The following PPP2R5C variants were observed in gnomAD, a reference collection of about 807,000 sequenced individuals.
The protein encoded by PPP2R5C is protein phosphatase 2 regulatory subunit B'gamma.
Under a neutral mutation model 68.9 loss-of-function variants are expected in PPP2R5C, and 7 were observed. That is an observed-to-expected ratio of 0.10 (90% CI 0.06 to 0.19). PPP2R5C has a LOEUF of 0.19. Among genes scored for constraint, PPP2R5C ranks in the 10% least tolerant of loss-of-function variants. The probability of loss-of-function intolerance (pLI) is 1.00; values close to 1 mark genes in which losing one functional copy is unlikely to be tolerated. For synonymous variants in PPP2R5C, 210 were observed against 222.2 expected, an observed-to-expected ratio of 0.95 and a Z score of 0.49; for missense variants, 348 against 641.3, an observed-to-expected ratio of 0.54 and a Z score of 4.94.
exon 12 of PPP2R5C, chr14:101,912,460 A>G (rs1284681844): frequency 6.2e-7 from 1 of 1,602,090 alleles, no homozygotes; most frequent in African/African-American, 1.3e-5. Flanking sequence ...AATCTAGCCA[A>G]AGCCAATCCC....
At position 101,797,247 on chromosome 14, in the gene PPP2R5C, C is replaced by T. The variant is rs969363180; in HGVS notation, c.259+11064C>T. The T allele has an allele frequency of 1.1e-5, 5 of 455,962 alleles. No homozygotes were observed. Among genetic ancestry groups the T allele is most frequent in the African/African-American group, 8.0e-5 (4 of 50,074 alleles). 28.2% of individuals were successfully genotyped at this position (455,962 alleles called of 1,614,324 possible). ...TTGTAGCACGTGCCAGACCCTCGCT[C>T]CCGTCGAAGGCTGATGCCATCCTTC... On this transcript the variant is annotated intron_variant, in intron 3 of 14. Transcript: ENST00000328724. This position sits in a 1 kb window ranked among gnomAD's most constrained non-coding sequence, Gnocchi z 4.2.
chr14:101,886,433 G>A (rs1320058765), intron 5 of PPP2R5C, among the ~76,000 whole-genome samples: 2 of 151,870 alleles, frequency 1.3e-5, no homozygotes, highest in Non-Finnish European at 1.5e-5. Flanking sequence ...GTGTCTGTGT[G>A]CATGCTTTTG....
intron 2 of PPP2R5C, among the ~76,000 whole-genome samples, chr14:101,774,262 C>G (rs2037304014): frequency 6.6e-6 from 1 of 152,192 alleles, no homozygotes; most frequent in Non-Finnish European, 1.5e-5. Context: ...TGACTTTTGG[C>G]CCCTAGAGAC....
At chr14:101,908,512 T>G (rs557701780) in intron 10 of PPP2R5C, among the ~76,000 whole-genome samples, 1 of 152,244 alleles carries the variant, frequency 6.6e-6, no homozygotes, top group African/African-American at 2.4e-5. Flanking sequence ...TAGCTGGGAC[T>G]ACAGACATGA....
chr14:101,761,408 C>T (rs998974720), upstream of PPP2R5C, among the ~76,000 whole-genome samples: 1 of 151,820 alleles, frequency 6.6e-6, no homozygotes, highest in Non-Finnish European at 1.5e-5. Flanking sequence ...CAGCGGTCAG[C>T]CCCGCGCCAG....
chr14:101,795,919 C>T, intron 3 of PPP2R5C, among the ~76,000 whole-genome samples: 1 of 152,126 alleles, frequency 6.6e-6, no homozygotes, highest in East Asian at 1.9e-4. Context: ...ACCTCCCAGG[C>T]TCAAGCAGTC....
intron 13 of PPP2R5C, among the ~76,000 whole-genome samples, chr14:101,924,445 C>T (rs1344931692): frequency 9.4e-4 from 79 of 84,452 alleles, no homozygotes; most frequent in South Asian, 1.3e-3. Flanking sequence ...ATTTCTACAT[C>T]TTTTTTTTTT....
chr14:101,911,827 T>G (rs2141113390), intron 11 of PPP2R5C, among the ~76,000 whole-genome samples: 1 of 151,032 alleles, frequency 6.6e-6, no homozygotes, highest in East Asian at 2.0e-4. Flanking sequence ...GAGGTTGCAG[T>G]GAGCCAAGAT....
intron 2 of PPP2R5C, chr14:101,765,484 C>T: frequency 1.8e-6 from 1 of 541,316 alleles, no homozygotes; most frequent in South Asian, 2.4e-5. Context: ...TTTTCCCTCT[C>T]CTCTCTCTCA....
At chr14:101,802,681 A>G (rs2038917033) in intron 3 of PPP2R5C, among the ~76,000 whole-genome samples, 2 of 152,182 alleles carry the variant, frequency 1.3e-5, no homozygotes, top group Admixed American at 1.3e-4. Flanking sequence ...TCAACAAGAA[A>G]AGGCAGGCCA....
At chr14:101,819,811 C>G (rs979577122) in intron 1 of PPP2R5C, 1 of 152,476 alleles carries the variant, frequency 6.6e-6, no homozygotes, top group Non-Finnish European at 1.5e-5. Context: ...TTTGGTAGAG[C>G]TGGGGTCTCA....
intron 10 of PPP2R5C, among the ~76,000 whole-genome samples, chr14:101,907,554 T>G (rs1483884468): frequency 6.6e-6 from 1 of 152,156 alleles, no homozygotes; most frequent in East Asian, 1.9e-4. Context: ...TTCTTTCATC[T>G]CTTTCCATTG....
At chr14:101,794,995 T>G (rs1208568233) in intron 3 of PPP2R5C, among the ~76,000 whole-genome samples, 1 of 152,230 alleles carries the variant, frequency 6.6e-6, no homozygotes, top group Non-Finnish European at 1.5e-5. Flanking sequence ...AGTAAAACAA[T>G]TTCAGTAAAA....
At chr14:101,818,588 C>A (rs1423380967) in intron 1 of PPP2R5C, 1 of 162,304 alleles carries the variant, frequency 6.2e-6, no homozygotes, top group African/African-American at 2.4e-5. Flanking sequence ...GAGCCGAGAT[C>A]ACGCCACTGC....
intron 2 of PPP2R5C, among the ~76,000 whole-genome samples, chr14:101,764,684 G>A (rs1183825199): frequency 1.3e-5 from 2 of 152,130 alleles, no homozygotes; most frequent in African/African-American, 4.8e-5. Context: ...AGACAACTGA[G>A]GTTTACTGTG....
upstream of PPP2R5C, among the ~76,000 whole-genome samples, chr14:101,808,760 G>C (rs781239999): frequency 1.3e-5 from 2 of 152,166 alleles, no homozygotes; most frequent in Non-Finnish European, 2.9e-5. Context: ...CCATGGTTTG[G>C]ACAAACTTCC....
intron 5 of PPP2R5C, among the ~76,000 whole-genome samples, chr14:101,885,194 C>T (rs1038498870): frequency 6.6e-6 from 1 of 152,220 alleles, no homozygotes; most frequent in Non-Finnish European, 1.5e-5. Flanking sequence ...GTGTCAGCCA[C>T]GCCCAACACG....
At chr14:101,826,859 G>C (rs2040429445) in intron 1 of PPP2R5C, among the ~76,000 whole-genome samples, 1 of 151,782 alleles carries the variant, frequency 6.6e-6, no homozygotes, top group African/African-American at 2.4e-5. Context: ...TGGTCCATAA[G>C]GAACCCCTAA....
chr14:101,910,548 C>T (rs989202907), intron 11 of PPP2R5C, among the ~76,000 whole-genome samples: 29 of 152,324 alleles, frequency 1.9e-4, no homozygotes, highest in African/African-American at 7.0e-4. Context: ...ATCCTTGCCC[C>T]TGGGCCGGGT....
Sources: gnomAD v4.1 joint callset for allele counts (sites outside exome capture counted in the v4.1 genomes callset) on GRCh38, gnomAD v4.1.1 for gene constraint, Gnocchi (gnomAD v3.1) non-coding constraint, MANE v1.5 for transcripts, NCBI Gene and HGNC (gene_info 2026-07-23, HGNC 2026-07-21) for gene names.